The following PLXNA4 variants were observed in gnomAD, a reference collection of about 807,000 sequenced individuals.
The protein encoded by PLXNA4 is plexin-A4.
Under a neutral mutation model 191.8 loss-of-function variants are expected in PLXNA4, and 44 were observed. The observed-to-expected ratio is 0.23, with a 90% confidence interval of 0.18 to 0.29. PLXNA4 has a LOEUF of 0.29. Ranked by LOEUF, PLXNA4 falls within the 10% of genes least tolerant of loss-of-function variation. The probability of loss-of-function intolerance (pLI) is 1.00; values close to 1 mark genes in which losing one functional copy is unlikely to be tolerated. For synonymous variants in PLXNA4, 1,082 were observed against 1,009.5 expected (o/e 1.07, Z -1.36); for missense variants, 1,800 against 2,488.8 (o/e 0.72, Z 5.89).
rs749175378 is a variant in PLXNA4, at chr7:132,178,853, C to CAA, written c.3874+833_3874+834insTT. ...ATACACATACACATATATACACACA[C>CAA]ACACACACACACACACACACAGCCT... On this transcript the variant is annotated intron_variant, in intron 20 of 31. Coordinates refer to ENST00000321063, the MANE Select transcript of PLXNA4 (RefSeq NM_020911.2). Among the ~76,000 whole-genome samples the CAA allele has an allele frequency of 4.9e-3, 563 of 114,502 alleles. 44 individuals are homozygous for CAA. The highest frequency in any genetic ancestry group is 0.022 in the African/African-American group (526 of 23,854). 75.1% of individuals were successfully genotyped at this position (114,502 alleles called of 152,430 possible).
chr7:132,254,924 T>C (rs1358461039), intron 4 of PLXNA4, among the ~76,000 whole-genome samples: 2 of 152,100 alleles, frequency 1.3e-5, no homozygotes, highest in Non-Finnish European at 2.9e-5. Context: ...TCAGAAATAA[T>C]TGCTGGCCCT....
At chr7:132,201,463 G>A (rs1297873466) in intron 12 of PLXNA4, among the ~76,000 whole-genome samples, 1 of 152,200 alleles carries the variant, frequency 6.6e-6, no homozygotes, top group African/African-American at 2.4e-5. Flanking sequence ...TATACTGTGT[G>A]CATTTGTGAA....
intron 2 of PLXNA4, among the ~76,000 whole-genome samples, chr7:132,622,100 T>A (rs1803279409): frequency 6.6e-6 from 1 of 152,160 alleles, no homozygotes. Context: ...CATTGAAATG[T>A]AAATGGAGTG....
intron 9 of PLXNA4, 123 bp from the exon 10 acceptor site, chr7:132,211,266 C>T (rs1797792514): frequency 1.9e-6 from 2 of 1,034,534 alleles, no homozygotes; most frequent in Admixed American, 4.7e-5. Context: ...CAGGCGACCC[C>T]TGAGGTGCTC....
intron 30 of PLXNA4, among the ~76,000 whole-genome samples, chr7:132,139,397 C>T (rs565376916): frequency 6.6e-6 from 1 of 152,296 alleles, no homozygotes; most frequent in South Asian, 2.1e-4. Flanking sequence ...GTCACCAAGT[C>T]AAGAACACCT....
At chr7:132,620,759 C>T (rs1480784021) in intron 2 of PLXNA4, among the ~76,000 whole-genome samples, 1 of 152,194 alleles carries the variant, frequency 6.6e-6, no homozygotes, top group African/African-American at 2.4e-5. Context: ...TTTCCACATC[C>T]GCTCATATAA....
chr7:132,276,789 C>G (rs911680415), intron 4 of PLXNA4, among the ~76,000 whole-genome samples: 1 of 152,110 alleles, frequency 6.6e-6, no homozygotes, highest in African/African-American at 2.4e-5. Context: ...TCTAGACAGC[C>G]AGGTAGATTT....
intron 1 of PLXNA4, among the ~76,000 whole-genome samples, chr7:132,549,204 G>A (rs373736764): frequency 3.9e-5 from 6 of 152,158 alleles, no homozygotes; most frequent in Non-Finnish European, 7.4e-5. Context: ...ATAAACTTGC[G>A]TTTGCTTTAC....
In PLXNA4 at chr7:132,124,292, C is replaced by T. The variant is rs1388737930; in HGVS notation, c.*6187G>A. 2 of 152,090 alleles carry T rather than the reference C, an allele frequency of 1.3e-5. No individual in the cohort carries two copies. Among genetic ancestry groups the T allele is most frequent in the East Asian group, 1.9e-4 (1 of 5,194 alleles). The allele number at this position is 152,090 out of a possible 1,614,324, so 9.4% of individuals were successfully genotyped here. The stretch of plus-strand genomic sequence containing the variant: ...CAAGTCAACAAGCTAACTAGAACGT[C>T]GGGGAGGGAGAGGAAAGGAGGACAG... On this transcript the variant is annotated 3_prime_UTR_variant, in exon 32 of 32. Coordinates refer to ENST00000321063, the MANE Select transcript of PLXNA4 (RefSeq NM_020911.2).
intron 3 of PLXNA4, among the ~76,000 whole-genome samples, chr7:132,415,172 A>C (rs2117113088): frequency 6.6e-6 from 1 of 152,348 alleles, no homozygotes; most frequent in Admixed American, 6.5e-5. Flanking sequence ...CAAGTTGGCC[A>C]GAGGGGAGGT....
chr7:132,619,178 A>G (rs1803213196), intron 2 of PLXNA4, among the ~76,000 whole-genome samples: 1 of 152,238 alleles, frequency 6.6e-6, no homozygotes, highest in African/African-American at 2.4e-5. Context: ...ACCCTTAAAA[A>G]GAGTGAAGTA....
At chr7:132,578,073 T>C (rs1434635195), upstream of PLXNA4, among the ~76,000 whole-genome samples, 5 of 151,938 alleles carry the variant, frequency 3.3e-5, no homozygotes, top group East Asian at 5.8e-4. Flanking sequence ...ATCAGGGTGG[T>C]TTCTGAAGCC....
intron 2 of PLXNA4, among the ~76,000 whole-genome samples, chr7:132,630,649 C>T (rs893066393): frequency 1.3e-5 from 2 of 151,978 alleles, no homozygotes; most frequent in Admixed American, 6.5e-5. Context: ...GTAGCTGGGA[C>T]TACAGGCGTC....
At chr7:132,511,811 A>G (rs765492355) in intron 1 of PLXNA4, among the ~76,000 whole-genome samples, 5 of 152,238 alleles carry the variant, frequency 3.3e-5, no homozygotes, top group East Asian at 1.9e-4. Flanking sequence ...ATATCAAAGA[A>G]GAATCTATAA....
chr7:132,131,188 G>A (rs1236211525), intron 31 of PLXNA4, among the ~76,000 whole-genome samples: 1 of 152,232 alleles, frequency 6.6e-6, no homozygotes, highest in Non-Finnish European at 1.5e-5. Context: ...TCTGAAGGCA[G>A]GCAGTTAGCA....
At chr7:132,159,332 G>C in intron 25 of PLXNA4, 141 bp downstream of exon 25, 1 of 1,360,586 alleles carries the variant, frequency 7.3e-7, no homozygotes, top group Non-Finnish European at 1.0e-6. Context: ...CTCCTGCGGG[G>C]GTCCAGCCAT....
intron 25 of PLXNA4, among the ~76,000 whole-genome samples, chr7:132,151,644 A>G (rs868000182): frequency 3.3e-5 from 5 of 151,522 alleles, no homozygotes; most frequent in African/African-American, 7.2e-5. Context: ...GGAGAGGAAG[A>G]AGAGGAAGAA....
rs116636015 is a variant in PLXNA4, at chr7:132,376,282, G to T, written c.1372-78060C>A. Reference sequence around the variant, plus strand: ...ACATGCTAAGGGGAAAGCCTCTATTGCTCCGCAAGGCAAAGGACCCCCAGC... The same window carrying T: ...ACATGCTAAGGGGAAAGCCTCTATTTCTCCGCAAGGCAAAGGACCCCCAGC... On this transcript the variant is annotated intron_variant, in intron 3 of 31. Coordinates refer to ENST00000321063, the MANE Select transcript of PLXNA4 (RefSeq NM_020911.2). Among the ~76,000 whole-genome samples the T allele has an allele frequency of 2.5e-3, 377 of 152,220 alleles. 1 individual carries two copies. Among genetic ancestry groups the T allele is most frequent in the African/African-American group, 8.6e-3 (358 of 41,540 alleles).
intron 3 of PLXNA4, among the ~76,000 whole-genome samples, chr7:132,394,199 G>A (rs183859107): frequency 6.6e-5 from 10 of 152,264 alleles, no homozygotes; most frequent in East Asian, 1.9e-4. Context: ...GGATGGAGCC[G>A]AGTTTCCTCT....
Sources: allele counts gnomAD v4.1 joint callset (sites outside exome capture counted in the v4.1 genomes callset), GRCh38; gene constraint gnomAD v4.1.1; transcripts MANE v1.5; gene names NCBI Gene and HGNC (gene_info 2026-07-23, HGNC 2026-07-21).